SLC24A2: variants seen among roughly 807,000 people sequenced by gnomAD.
SLC24A2 encodes solute carrier family 24 member 2, also known as sodium/potassium/calcium exchanger 2.
Under a neutral mutation model 62.0 loss-of-function variants are expected in SLC24A2, and 36 were observed. The observed-to-expected ratio is 0.58, with a 90% confidence interval of 0.44 to 0.77. The LOEUF is 0.77. SLC24A2 is among the 30% of genes least tolerant of loss of function. The probability of loss-of-function intolerance (pLI) is 0.00; values close to 1 mark genes in which losing one functional copy is unlikely to be tolerated. For missense variants in SLC24A2, 846 were observed against 817.9 expected (o/e 1.03, Z -0.42); for synonymous variants, 358 against 294.0 (o/e 1.22, Z -2.23).
intron 8 of SLC24A2, among the ~76,000 whole-genome samples, chr9:19,536,446 G>A (rs1288591697): frequency 2.7e-5 from 3 of 109,396 alleles, no homozygotes; most frequent in African/African-American, 3.6e-5. Flanking sequence ...GTGAGAATAT[G>A]CGGCGTTTGG....
chr9:19,808,362 G>C, the SLC24A2 span, among the ~76,000 whole-genome samples: 1 of 152,180 alleles, frequency 6.6e-6, no homozygotes, highest in Non-Finnish European at 1.5e-5. This position sits in a 1 kb window ranked among gnomAD's most constrained non-coding sequence, Gnocchi z 4.1. Context: ...TCCCATGAAA[G>C]AAATGGGTGA....
chr9:19,745,275 T>G (rs1821799160), intron 2 of SLC24A2, among the ~76,000 whole-genome samples: 1 of 152,182 alleles, frequency 6.6e-6, no homozygotes, highest in South Asian at 2.1e-4. Flanking sequence ...TGCAGAACCA[T>G]GAGCCAATTA....
chr9:19,912,700 A>G, the SLC24A2 span, among the ~76,000 whole-genome samples: 6 of 151,892 alleles, frequency 4.0e-5, no homozygotes, highest in African/African-American at 1.5e-4. Context: ...CAACACTGGA[A>G]CCTCCCAGCT....
At chr9:20,105,220 G>C in the SLC24A2 span, among the ~76,000 whole-genome samples, 1 of 152,120 alleles carries the variant, frequency 6.6e-6, no homozygotes, top group South Asian at 2.1e-4. Context: ...TACCTACAAA[G>C]AGACTTAGAC....
chr9:20,247,521 C>T, the SLC24A2 span, among the ~76,000 whole-genome samples: 3 of 152,106 alleles, frequency 2.0e-5, no homozygotes, highest in Non-Finnish European at 4.4e-5. Context: ...GACTCCTTAC[C>T]GCTTCCAACA....
chr9:19,994,505 T>C, the SLC24A2 span, among the ~76,000 whole-genome samples: 1 of 152,170 alleles, frequency 6.6e-6, no homozygotes, highest in South Asian at 2.1e-4. Context: ...GCAAGGTTTT[T>C]CACGTTCGCT....
intron 2 of SLC24A2, among the ~76,000 whole-genome samples, chr9:19,732,622 G>A (rs1821374291): frequency 6.6e-6 from 1 of 152,162 alleles, no homozygotes; most frequent in Non-Finnish European, 1.5e-5. Context: ...TCATACATTA[G>A]TATATAATCC....
the SLC24A2 span, among the ~76,000 whole-genome samples, chr9:19,861,659 C>T: frequency 6.6e-6 from 1 of 152,006 alleles, no homozygotes; most frequent in Non-Finnish European, 1.5e-5. Context: ...AAATAGCTTT[C>T]TTGAGGAAAC....
the SLC24A2 span, among the ~76,000 whole-genome samples, chr9:20,085,538 T>C: frequency 6.6e-6 from 1 of 152,208 alleles, no homozygotes; most frequent in African/African-American, 2.4e-5. Context: ...ACTAACATTT[T>C]AATTACATAA....
At chr9:20,225,057 T>C in the SLC24A2 span, among the ~76,000 whole-genome samples, 3 of 152,144 alleles carry the variant, frequency 2.0e-5, no homozygotes, top group Non-Finnish European at 2.9e-5. Context: ...TGCTTAGCTC[T>C]TTCCTCTATT....
the SLC24A2 span, among the ~76,000 whole-genome samples, chr9:19,983,563 T>C: frequency 6.6e-6 from 1 of 151,996 alleles, no homozygotes; most frequent in African/African-American, 2.4e-5. Context: ...GAATTGCTTG[T>C]ACCCAGGACG....
At chr9:20,140,748 C>T in the SLC24A2 span, among the ~76,000 whole-genome samples, 17,236 of 152,114 alleles carry the variant, frequency 0.11, 1,424 homozygotes, top group Admixed American at 0.25. Context: ...CACAACCCCC[C>T]ACTTCTCTCA....
intron 2 of SLC24A2, among the ~76,000 whole-genome samples, chr9:19,704,267 T>C (rs547837613): frequency 2.6e-5 from 4 of 152,210 alleles, no homozygotes; most frequent in Non-Finnish European, 5.9e-5. Flanking sequence ...ACATGATTAA[T>C]GACATGGAAA....
At chr9:19,681,583 C>T (rs760862783) in intron 2 of SLC24A2, among the ~76,000 whole-genome samples, 1 of 152,176 alleles carries the variant, frequency 6.6e-6, no homozygotes, top group African/African-American at 2.4e-5. Flanking sequence ...AAACCACCCA[C>T]GGTCCTGTGG....
the SLC24A2 span, among the ~76,000 whole-genome samples, chr9:20,263,823 C>G: frequency 6.7e-6 from 1 of 148,888 alleles, no homozygotes; most frequent in African/African-American, 2.5e-5. Context: ...AGTAAACCTG[C>G]TTCCCCTCTC....
At chr9:20,083,439 C>T in the SLC24A2 span, among the ~76,000 whole-genome samples, 1 of 152,180 alleles carries the variant, frequency 6.6e-6, no homozygotes. Flanking sequence ...AGAGGTGAGG[C>T]AGAATGCCAC....
chr9:20,258,059 A>C, the SLC24A2 span, among the ~76,000 whole-genome samples: 1 of 152,114 alleles, frequency 6.6e-6, no homozygotes, highest in African/African-American at 2.4e-5. Context: ...CCTCTCCCTA[A>C]ACTCCTCTCC....
the SLC24A2 span, among the ~76,000 whole-genome samples, chr9:20,074,840 A>G: frequency 6.6e-5 from 10 of 152,070 alleles, no homozygotes; most frequent in African/African-American, 1.4e-4. Context: ...CTATTTTTCT[A>G]TTATCATTTG....
At chr9:19,992,221 T>A in the SLC24A2 span, among the ~76,000 whole-genome samples, 1 of 152,182 alleles carries the variant, frequency 6.6e-6, no homozygotes, top group South Asian at 2.1e-4. Context: ...ACCGGGGGGA[T>A]GTCCAATAGG....
Sources: gnomAD v4.1 joint callset for allele counts (sites outside exome capture counted in the v4.1 genomes callset) on GRCh38, gnomAD v4.1.1 for gene constraint, Gnocchi (gnomAD v3.1) non-coding constraint, MANE v1.5 for transcripts, NCBI Gene and HGNC (gene_info 2026-07-23, HGNC 2026-07-21) for gene names.